GNB1L: variants seen among roughly 807,000 people sequenced by gnomAD.
GNB1L encodes the protein guanine nucleotide-binding protein subunit beta-like protein 1.
A neutral mutation model predicts 29.1 loss-of-function variants in GNB1L; 20 were observed. The ratio of observed to expected loss-of-function variants is 0.69; its 90% CI spans 0.48 to 1.00. The LOEUF is 1.00. Ranked by LOEUF, GNB1L falls within the 50% of genes least tolerant of loss-of-function variation. The pLI is 0.00. For synonymous variants in GNB1L, 193 were observed against 206.5 expected (o/e 0.93, Z 0.56); for missense variants, 421 against 464.9 (o/e 0.91, Z 0.87).
At chr22:19,846,953 C>T (rs1937976054) in intron 2 of GNB1L, 1 of 985,366 alleles carries the variant, frequency 1.0e-6, no homozygotes. Context: ...AGGCCCCTCC[C>T]ATCCTCCCAT....
At chr22:19,811,400 A>T (rs1341493872) in intron 5 of GNB1L, among the ~76,000 whole-genome samples, 1 of 151,896 alleles carries the variant, frequency 6.6e-6, no homozygotes, top group Non-Finnish European at 1.5e-5. Context: ...TGTCCTCCCC[A>T]TGCCCCGCCC....
chr22:19,847,594 C>CT, intron 2 of GNB1L: 1 of 984,016 alleles, frequency 1.0e-6, no homozygotes, highest in Non-Finnish European at 1.2e-6. Flanking sequence ...AGTCCCTGCT[C>CT]TAAACCCCCA....
At chr22:19,814,747 G>A (rs567604037) in intron 4 of GNB1L, among the ~76,000 whole-genome samples, 104 of 152,244 alleles carry the variant, frequency 6.8e-4, no homozygotes, top group Non-Finnish European at 1.2e-3. Flanking sequence ...ACATCTGGGC[G>A]GTAACTCTTC....
At chr22:19,808,782 G>A (rs1001251877) in intron 5 of GNB1L, among the ~76,000 whole-genome samples, 3 of 152,186 alleles carry the variant, frequency 2.0e-5, no homozygotes, top group Admixed American at 1.3e-4. Context: ...GCACCAGGGC[G>A]GCCTGCAAGG....
At chr22:19,790,018 A>G (rs1267420166) in intron 7 of GNB1L, among the ~76,000 whole-genome samples, 1 of 152,210 alleles carries the variant, frequency 6.6e-6, no homozygotes, top group Non-Finnish European at 1.5e-5. Context: ...CTGAGGAGGA[A>G]GGCGAGGTCC....
At chr22:19,848,270 G>T in intron 2 of GNB1L, 2 of 985,420 alleles carry the variant, frequency 2.0e-6, no homozygotes, top group Non-Finnish European at 2.4e-6. Context: ...AGAAAGCAGA[G>T]CCAGCACCAT....
intron 5 of GNB1L, among the ~76,000 whole-genome samples, chr22:19,811,757 G>C (rs1311107107): frequency 6.6e-6 from 1 of 152,028 alleles, no homozygotes; most frequent in Non-Finnish European, 1.5e-5. Flanking sequence ...CCTTGTGCCT[G>C]CACCCACCCA....
At chr22:19,840,218 G>A (rs1429973625) in intron 2 of GNB1L, among the ~76,000 whole-genome samples, 4 of 138,930 alleles carry the variant, frequency 2.9e-5, no homozygotes, top group African/African-American at 5.4e-5. Context: ...AGCTAGTGTC[G>A]TAATAAAATG....
At chr22:19,832,145 C>A (rs1298097664) in intron 2 of GNB1L, among the ~76,000 whole-genome samples, 1 of 152,088 alleles carries the variant, frequency 6.6e-6, no homozygotes, top group African/African-American at 2.4e-5. Flanking sequence ...GCCTGGGCAA[C>A]ATAGTCAGAC....
At chr22:19,809,581 C>T (rs1419887432) in intron 5 of GNB1L, among the ~76,000 whole-genome samples, 1 of 152,214 alleles carries the variant, frequency 6.6e-6, no homozygotes, top group Non-Finnish European at 1.5e-5. Flanking sequence ...CTGTAACACA[C>T]ACTCACTGGG....
At position 19,799,594 on chromosome 22, in the gene GNB1L, G is replaced by C. The variant is rs79551010; in HGVS notation, c.732+2407C>G. Among the ~76,000 whole-genome samples, 638 of 152,304 alleles carry C rather than the reference G, an allele frequency of 4.2e-3. 15 individuals are homozygous for C. In the South Asian group the frequency reaches 0.078, roughly 19 times the overall value. On this transcript the variant is annotated intron_variant, in intron 7 of 7. Transcript: ENST00000329517. Reference sequence around the variant, plus strand: ...GCTCTGCTCCAGGAACCTCATTCGCGTCTCTACTCCCAGCACCCGCCGGGG... The same window carrying C: ...GCTCTGCTCCAGGAACCTCATTCGCCTCTCTACTCCCAGCACCCGCCGGGG...
At chr22:19,840,408 G>A (rs1937839271) in intron 2 of GNB1L, among the ~76,000 whole-genome samples, 1 of 152,182 alleles carries the variant, frequency 6.6e-6, no homozygotes. Flanking sequence ...GAGAAAAACA[G>A]CCACTTTACA....
chr22:19,830,211 T>C (rs1937660730), intron 2 of GNB1L, among the ~76,000 whole-genome samples: 1 of 151,690 alleles, frequency 6.6e-6, no homozygotes, highest in Non-Finnish European at 1.5e-5. Context: ...ACCCCATCTC[T>C]AGAAAAAGAA....
At chr22:19,801,866 C>T in intron 7 of GNB1L, 135 bp downstream of exon 7, 2 of 749,452 alleles carry the variant, frequency 2.7e-6, no homozygotes, top group South Asian at 1.8e-5. Flanking sequence ...ATGGACAGCC[C>T]CCCTGCACCC....
chr22:19,852,775 C>G (rs1210648401), intron 2 of GNB1L, among the ~76,000 whole-genome samples: 1 of 152,120 alleles, frequency 6.6e-6, no homozygotes, highest in East Asian at 1.9e-4. Flanking sequence ...CACTGAGTGC[C>G]CCATTTGTGC....
chr22:19,783,540 A>C lies in GNB1L; in HGVS notation c.*5169T>G. 1 of 187,112 alleles carries C rather than the reference A, an allele frequency of 5.3e-6. No individual in the cohort carries two copies. Among genetic ancestry groups the C allele is most frequent in the Non-Finnish European group, 1.1e-5 (1 of 88,654 alleles). The allele number at this position is 187,112 out of a possible 1,614,324, so 11.6% of individuals were successfully genotyped here. A position where few individuals can be genotyped will look rare whatever the true frequency, so the allele number is the denominator to read the frequency against. Reference sequence around the variant, plus strand: ...ACTCCAGCCTGGGTGACAGAGTGAGACCCCCACTGTCCCTGGTCTCTTAAA... The same window carrying C: ...ACTCCAGCCTGGGTGACAGAGTGAGCCCCCCACTGTCCCTGGTCTCTTAAA... On this transcript the variant is annotated 3_prime_UTR_variant, in exon 8 of 8. Transcript: ENST00000329517.
intron 4 of GNB1L, among the ~76,000 whole-genome samples, chr22:19,814,113 T>A (rs1183973540): frequency 6.6e-6 from 1 of 152,232 alleles, no homozygotes; most frequent in Non-Finnish European, 1.5e-5. Flanking sequence ...TAAATCTGCA[T>A]GAGCCCATCC....
intron 2 of GNB1L, chr22:19,847,730 G>C: frequency 1.0e-6 from 1 of 975,122 alleles, no homozygotes. Context: ...CCCACCAACA[G>C]TATGAGAAGG....
intron 7 of GNB1L, among the ~76,000 whole-genome samples, chr22:19,800,243 C>T (rs940060711): frequency 1.3e-5 from 2 of 152,238 alleles, no homozygotes; most frequent in African/African-American, 4.8e-5. Flanking sequence ...CCCAAACACA[C>T]CAGGAGAGAC....
Sources: gnomAD v4.1 joint callset for allele counts (sites outside exome capture counted in the v4.1 genomes callset) on GRCh38, gnomAD v4.1.1 for gene constraint, MANE v1.5 for transcripts, NCBI Gene and HGNC (gene_info 2026-07-23, HGNC 2026-07-21) for gene names.